Variants in TRPM3 observed in about 807,000 individuals in gnomAD.
TRPM3 encodes the protein long transient receptor potential channel 3.
Under a neutral mutation model 181.2 loss-of-function variants are expected in TRPM3, and 77 were observed. The observed-to-expected ratio is 0.42, with a 90% confidence interval of 0.35 to 0.51. The LOEUF (loss-of-function observed/expected upper bound fraction) is 0.51, where lower values mean the gene tolerates loss of function less well. TRPM3 is among the 20% of genes least tolerant of loss of function. The pLI is 0.01. For synonymous variants in TRPM3, 745 were observed against 796.4 expected, an observed-to-expected ratio of 0.94 and a Z score of 1.09; for missense variants, 1,759 against 2,196.7, an observed-to-expected ratio of 0.80 and a Z score of 3.98.
intron 1 of TRPM3, among the ~76,000 whole-genome samples, chr9:71,150,744 T>C (rs1208489333): frequency 1.3e-5 from 2 of 152,130 alleles, no homozygotes; most frequent in Non-Finnish European, 2.9e-5. Context: ...CTTAGACCTA[T>C]ACAAATATGT....
intron 1 of TRPM3, among the ~76,000 whole-genome samples, chr9:71,032,607 T>C (rs1383142372): frequency 4.6e-5 from 7 of 152,144 alleles, no homozygotes; most frequent in African/African-American, 1.7e-4. Context: ...ATTATAAAAT[T>C]CCACTGGGAA....
intron 1 of TRPM3, among the ~76,000 whole-genome samples, chr9:70,870,934 T>C (rs1589427091): frequency 6.6e-6 from 1 of 152,034 alleles, no homozygotes; most frequent in Non-Finnish European, 1.5e-5. Flanking sequence ...ATATTTTATA[T>C]AGTCAGAAAA....
At chr9:71,164,312 G>T (rs1351957889) in intron 1 of TRPM3, among the ~76,000 whole-genome samples, 4 of 152,146 alleles carry the variant, frequency 2.6e-5, no homozygotes, top group African/African-American at 9.7e-5. Context: ...TAACAGCTTG[G>T]GAAAACTCCT....
chr9:70,832,199 G>A (rs983565848), intron 5 of TRPM3, among the ~76,000 whole-genome samples: 7 of 148,314 alleles, frequency 4.7e-5, no homozygotes. Context: ...GCTAGATGAC[G>A]AGTTAGTGGG....
intron 1 of TRPM3, among the ~76,000 whole-genome samples, chr9:71,321,399 TA>T (rs1238598941): frequency 2.0e-5 from 3 of 152,178 alleles, no homozygotes; most frequent in Non-Finnish European, 4.4e-5. Flanking sequence ...GTGATTGTCC[TA>T]AAGCAAAAGC....
At chr9:71,446,854 G>C (rs2094210800), upstream of TRPM3, 4 of 1,529,714 alleles carry the variant, frequency 2.6e-6, no homozygotes, top group Admixed American at 2.0e-5. Context: ...CGCCTCCCTC[G>C]GCCGGGAAAC....
chr9:71,180,050 C>CTTTTTT (rs35877663), intron 1 of TRPM3, among the ~76,000 whole-genome samples: 20,634 of 100,376 alleles, frequency 0.21, 2,702 homozygotes, highest in East Asian at 0.26. Context: ...ATACATCCTT[C>CTTTTTT]TTTTTTTTTT....
At chr9:71,059,998 AG>A (rs1204754222) in intron 1 of TRPM3, among the ~76,000 whole-genome samples, 1 of 152,104 alleles carries the variant, frequency 6.6e-6, no homozygotes, top group African/African-American at 2.4e-5. Context: ...GAAGGAAAGA[AG>A]TCTGGGTTTG....
At position 71,399,521 on chromosome 9, in the gene TRPM3, C is replaced by CTTTTT. The variant is rs1415739241; in HGVS notation, c.183+47131_183+47132insAAAAA. Reference sequence around the variant, plus strand: ...ATATTCATTTTACTCCTTATATTTTCTTTTGTTTTTTTTTTTTTTTTTTTT... The same window carrying CTTTTT: ...ATATTCATTTTACTCCTTATATTTTCTTTTTTTTTGTTTTTTTTTTTTTTTTTTTT... On this transcript the variant is annotated intron_variant, in intron 1 of 24. Coordinates refer to the TRPM3 transcript ENST00000357533. Among the ~76,000 whole-genome samples the CTTTTT allele has an allele frequency of 9.7e-4, 104 of 107,476 alleles. 3 individuals carry two copies. Among genetic ancestry groups the CTTTTT allele is most frequent in the South Asian group, 1.6e-3 (5 of 3,194 alleles). 70.5% of individuals were successfully genotyped at this position (107,476 alleles called of 152,430 possible).
At chr9:70,845,704 T>C (rs1014744024) in intron 4 of TRPM3, among the ~76,000 whole-genome samples, 42 of 152,318 alleles carry the variant, frequency 2.8e-4, no homozygotes, top group Non-Finnish European at 5.1e-4. Flanking sequence ...GACTTCAGGC[T>C]GGGGGAGTAT....
At chr9:70,553,521 C>A (rs1240388668) in intron 22 of TRPM3, among the ~76,000 whole-genome samples, 1 of 152,150 alleles carries the variant, frequency 6.6e-6, no homozygotes, top group Non-Finnish European at 1.5e-5. Flanking sequence ...CTCGGTTCCA[C>A]AGTCTCCCCA....
At chr9:71,121,688 T>C (rs562796430), upstream of TRPM3, 10 of 1,058,868 alleles carry the variant, frequency 9.4e-6, 1 homozygote, top group East Asian at 2.7e-4. Context: ...ACCGGGGCCA[T>C]TGCTTTGCTA....
intron 1 of TRPM3, among the ~76,000 whole-genome samples, chr9:71,306,219 T>A (rs569373959): frequency 6.6e-6 from 1 of 152,142 alleles, no homozygotes; most frequent in Non-Finnish European, 1.5e-5. Context: ...TTTTGGCTAT[T>A]GAGATAAAAT....
intron 1 of TRPM3, among the ~76,000 whole-genome samples, chr9:71,329,957 G>A (rs1037523624): frequency 6.6e-6 from 1 of 152,180 alleles, no homozygotes; most frequent in African/African-American, 2.4e-5. Flanking sequence ...TTAATTCACA[G>A]GAGTTGCGGG....
intron 1 of TRPM3, among the ~76,000 whole-genome samples, chr9:70,949,316 C>A (rs148979216): frequency 1.3e-5 from 2 of 152,016 alleles, no homozygotes; most frequent in African/African-American, 4.8e-5. Context: ...CTCAGCCTCC[C>A]AAATTGCTGA....
intron 1 of TRPM3, among the ~76,000 whole-genome samples, chr9:71,210,591 A>T (rs1246012192): frequency 1.3e-5 from 2 of 152,102 alleles, no homozygotes; most frequent in East Asian, 3.9e-4. Context: ...TGACCCATTT[A>T]AAGTTCCTTT....
chr9:70,628,248 G>A (rs530235950), intron 12 of TRPM3, among the ~76,000 whole-genome samples: 5 of 152,288 alleles, frequency 3.3e-5, no homozygotes, highest in East Asian at 1.9e-4. Flanking sequence ...ATGACCGCCC[G>A]AGGATGCCCA....
chr9:70,807,678 G>A (rs2090998516), intron 6 of TRPM3, among the ~76,000 whole-genome samples: 1 of 152,096 alleles, frequency 6.6e-6, no homozygotes, highest in Admixed American at 6.5e-5. Context: ...GTGCTCTATA[G>A]GATCTCACAA....
chr9:71,372,465 C>G (rs2092546486), intron 1 of TRPM3, among the ~76,000 whole-genome samples: 1 of 152,158 alleles, frequency 6.6e-6, no homozygotes, highest in Admixed American at 6.5e-5. Context: ...TAAAGGCATT[C>G]CTTTTTCTCT....
Sources: allele counts gnomAD v4.1 joint callset (sites outside exome capture counted in the v4.1 genomes callset), GRCh38; gene constraint gnomAD v4.1.1; transcripts MANE v1.5; gene names NCBI Gene and HGNC (gene_info 2026-07-23, HGNC 2026-07-21).